MALRD1: variants seen among roughly 807,000 people sequenced by gnomAD.
MALRD1 encodes MAM and LDL-receptor class A domain-containing protein 1.
A neutral mutation model predicts 242.1 loss-of-function variants in MALRD1; 247 were observed. The observed-to-expected ratio is 1.02, with a 90% CI of 0.92 to 1.13. The LOEUF is 1.13. MALRD1 is among the 50% of genes most tolerant of loss of function. MALRD1 has a pLI of 0.00. For missense variants in MALRD1, 2,989 were observed against 2,533.1 expected, an observed-to-expected ratio of 1.18 and a Z score of -3.86; for synonymous variants, 995 against 866.6, an observed-to-expected ratio of 1.15 and a Z score of -2.60.
intron 14 of MALRD1, among the ~76,000 whole-genome samples, chr10:19,196,015 T>C (rs7081115): frequency 0.065 from 9,917 of 152,184 alleles, 360 homozygotes; most frequent in African/African-American, 0.092. Context: ...GAAAAGAACT[T>C]TTAGAAGTTC....
intron 26 of MALRD1, among the ~76,000 whole-genome samples, chr10:19,373,195 G>C (rs540666146): frequency 1.2e-5 from 1 of 86,128 alleles, no homozygotes; most frequent in Admixed American, 1.2e-4. Context: ...TTCAGCAAAC[G>C]CTAAATACAA....
At chr10:19,240,442 AGATCATATATATCTATAT>A (rs1269197318) in intron 18 of MALRD1, among the ~76,000 whole-genome samples, 3 of 152,066 alleles carry the variant, frequency 2.0e-5, no homozygotes, top group African/African-American at 4.8e-5. Flanking sequence ...AAAGAGAGAG[AGATCATATATATCTATAT>A]GATCATATAT....
intron 36 of MALRD1, among the ~76,000 whole-genome samples, chr10:19,645,881 TAAA>T (rs562144315): frequency 1.3e-4 from 19 of 151,604 alleles, no homozygotes; most frequent in Non-Finnish European, 2.7e-4. Flanking sequence ...AGTATAATAA[TAAA>T]AAAAAAGAAA....
Position 19,530,352 on chromosome 10 carries a change from A to T in MALRD1, c.5321-842A>T, listed in dbSNP as rs1400468384. On this transcript the variant is annotated intron_variant, in intron 31 of 39. Transcript: ENST00000454679. ...AAATATATAATATTTATATAAATAT[A>T]TAATATTTATATAAATATTTATATA... 1.4e-4 allele frequency among the ~76,000 whole-genome samples: 15 copies of T among 108,476 alleles called. 1 individual carries two copies. Among genetic ancestry groups the T allele is most frequent in the East Asian group, 2.5e-4 (1 of 4,028 alleles). The allele number at this position is 108,476 out of a possible 152,430, so 71.2% of individuals were successfully genotyped here. A position where few individuals can be genotyped will look rare whatever the true frequency, so the allele number is the denominator to read the frequency against.
At chr10:19,564,257 G>A (rs1836157427) in intron 32 of MALRD1, among the ~76,000 whole-genome samples, 1 of 152,036 alleles carries the variant, frequency 6.6e-6, no homozygotes, top group South Asian at 2.1e-4. Flanking sequence ...AAAAATAAAT[G>A]CTGAGGAGTT....
intron 31 of MALRD1, among the ~76,000 whole-genome samples, chr10:19,501,257 A>C (rs1837953211): frequency 1.3e-5 from 2 of 152,282 alleles, no homozygotes; most frequent in South Asian, 4.1e-4. Flanking sequence ...CTAATTAATT[A>C]GGGGTTTGAC....
intron 36 of MALRD1, among the ~76,000 whole-genome samples, chr10:19,645,726 T>C (rs567938053): frequency 4.0e-5 from 6 of 151,620 alleles, no homozygotes; most frequent in Non-Finnish European, 8.8e-5. Context: ...CAGGGACTGT[T>C]GTGGGGTGGG....
chr10:19,559,280 A>G (rs1003674896), intron 32 of MALRD1, among the ~76,000 whole-genome samples: 1 of 151,894 alleles, frequency 6.6e-6, no homozygotes, highest in Non-Finnish European at 1.5e-5. Flanking sequence ...TTCAATATTA[A>G]TGCTTTGGGT....
At chr10:19,374,897 G>C (rs1456531406) in intron 26 of MALRD1, among the ~76,000 whole-genome samples, 1 of 152,112 alleles carries the variant, frequency 6.6e-6, no homozygotes, top group Non-Finnish European at 1.5e-5. Flanking sequence ...ATTTCATTCT[G>C]GGCAGTCATG....
intron 18 of MALRD1, among the ~76,000 whole-genome samples, chr10:19,228,449 G>A (rs1041383207): frequency 1.3e-5 from 2 of 152,170 alleles, no homozygotes; most frequent in African/African-American, 2.4e-5. Context: ...CAGATTTTCT[G>A]TATCTTGATC....
chr10:19,149,135 A>G (rs1418626953), intron 11 of MALRD1, among the ~76,000 whole-genome samples: 1 of 141,246 alleles, frequency 7.1e-6, no homozygotes, highest in African/African-American at 2.6e-5. Flanking sequence ...TAACTAGCTG[A>G]GACAGAGTCT....
At chr10:19,488,816 G>T (rs1589148137) in intron 29 of MALRD1, 1 of 344,136 alleles carries the variant, frequency 2.9e-6, no homozygotes. Context: ...CGATGGAAAG[G>T]TGTGTGGCCA....
chr10:19,492,591 C>T (rs1589152840), intron 30 of MALRD1, among the ~76,000 whole-genome samples: 2 of 152,286 alleles, frequency 1.3e-5, no homozygotes, highest in South Asian at 4.1e-4. Flanking sequence ...CTTTACATAA[C>T]ATGGTAGCCA....
intron 24 of MALRD1, among the ~76,000 whole-genome samples, chr10:19,332,773 A>G (rs1843436664): frequency 6.6e-6 from 1 of 152,206 alleles, no homozygotes; most frequent in Non-Finnish European, 1.5e-5. Context: ...TGGGAAAGAT[A>G]TTATTAGTGC....
chr10:19,457,903 A>G lies in MALRD1; in HGVS notation c.5029+7413A>G, dbSNP rs571885854. 1.3e-4 allele frequency among the ~76,000 whole-genome samples: 20 copies of G among 152,084 alleles called. No individual in the cohort carries two copies. In the South Asian group the frequency reaches 3.9e-3, roughly 30 times the overall value. ...TAATATTCAAATAATCCTTATTGTT[A>G]CAGGCTTGTTTTATTTTGGATTCAA... is the stretch of plus-strand genomic sequence containing the variant. On this transcript the variant is annotated intron_variant, in intron 29 of 39. Transcript: ENST00000454679.
At chr10:19,218,871 CTTAA>C (rs1837440387) in intron 18 of MALRD1, among the ~76,000 whole-genome samples, 1 of 151,960 alleles carries the variant, frequency 6.6e-6, no homozygotes, top group Non-Finnish European at 1.5e-5. Flanking sequence ...ATCATATTAT[CTTAA>C]TTATTTTGAT....
intron 19 of MALRD1, among the ~76,000 whole-genome samples, chr10:19,258,362 A>G (rs1200075588): frequency 1.3e-5 from 2 of 152,014 alleles, no homozygotes; most frequent in African/African-American, 4.8e-5. Flanking sequence ...AATAAACACA[A>G]CCCAGGCCTT....
chr10:19,247,941 T>C (rs1043351116), intron 18 of MALRD1, among the ~76,000 whole-genome samples: 3 of 152,004 alleles, frequency 2.0e-5, no homozygotes, highest in African/African-American at 7.2e-5. Context: ...CCCAGTAACA[T>C]GGGCAGGCAG....
intron 31 of MALRD1, among the ~76,000 whole-genome samples, chr10:19,511,211 C>A (rs1234975667): frequency 1.3e-5 from 2 of 152,100 alleles, no homozygotes; most frequent in African/African-American, 2.4e-5. Context: ...TTGTATAGAT[C>A]AATGATCAGT....
Sources: gnomAD v4.1 joint callset for allele counts (sites outside exome capture counted in the v4.1 genomes callset) on GRCh38, gnomAD v4.1.1 for gene constraint, MANE v1.5 for transcripts, NCBI Gene and HGNC (gene_info 2026-07-23, HGNC 2026-07-21) for gene names.